The following NUP58 variants were observed in gnomAD, a reference collection of about 807,000 sequenced individuals.
The protein encoded by NUP58 is nucleoporin 58.
Under a neutral mutation model 70.1 loss-of-function variants are expected in NUP58, and 17 were observed. The observed-to-expected ratio is 0.24, with a 90% CI of 0.17 to 0.36. The LOEUF is 0.36. NUP58 is among the 10% of genes least tolerant of loss of function. NUP58 has a pLI of 1.00. For synonymous variants in NUP58, 275 were observed against 257.6 expected (o/e 1.07, Z -0.65); for missense variants, 644 against 701.5 (o/e 0.92, Z 0.93).
intron 13 of NUP58, chr13:25,334,936 CTA>C (rs2031729202): frequency 1.0e-6 from 1 of 984,906 alleles, no homozygotes; most frequent in Non-Finnish European, 1.2e-6. Context: ...CATTGGATGA[CTA>C]TTCAAATTTC....
At chr13:25,338,459 A>T (rs1268613475) in intron 14 of NUP58, among the ~76,000 whole-genome samples, 177 bp from the exon 15 acceptor site, 1 of 152,130 alleles carries the variant, frequency 6.6e-6, no homozygotes, top group Non-Finnish European at 1.5e-5. Context: ...TTTATTTCAG[A>T]ATTAGTCTAG....
At chr13:25,336,471 T>G (rs2031786817) in intron 13 of NUP58, 1 of 375,002 alleles carries the variant, frequency 2.7e-6, no homozygotes, top group Admixed American at 4.5e-5. Flanking sequence ...AGTGTCAGTC[T>G]CTCTTGATCA....
chr13:25,301,779 C>T lies in NUP58; in HGVS notation c.6C>T (p.Ser2=), dbSNP rs760326653. 9.9e-5 allele frequency: 160 copies of T among 1,611,674 alleles called. No individual in the cohort carries two copies. The highest frequency in any genetic ancestry group is 1.2e-4 in the Non-Finnish European group (143 of 1,178,616). ...GCGTCGAGCCCTGGCCAGACATGTC[C>T]ACAGGGTTCTCCTTCGGGTCCGGGA... M[S]TGFSFGSGTL... is the part of the protein sequence containing the mutation. The change falls in exon 1 of 16, where the codon TCC becomes TCT. Residue 2 remains serine, a synonymous_variant. Coordinates refer to ENST00000381736, the MANE Select transcript of NUP58 (RefSeq NM_014089.4).
Position 25,301,754 on chromosome 13 carries a change from G to A in NUP58, c.-20G>A. 1 of 1,542,856 alleles carries A rather than the reference G, an allele frequency of 6.5e-7. No homozygotes were observed. The highest frequency in any genetic ancestry group is 8.9e-7 in the Non-Finnish European group (1 of 1,126,780). Reference sequence around the variant, plus strand: ...CCAGACCCATTTCGCCTTGCTGACGGCGTCGAGCCCTGGCCAGACATGTCC... The same window carrying A: ...CCAGACCCATTTCGCCTTGCTGACGACGTCGAGCCCTGGCCAGACATGTCC... On this transcript the variant is annotated 5_prime_UTR_variant, in exon 1 of 16. Coordinates refer to ENST00000381736, the MANE Select transcript of NUP58 (RefSeq NM_014089.4).
intron 1 of NUP58, among the ~76,000 whole-genome samples, chr13:25,305,034 G>C (rs903269193): frequency 6.6e-6 from 1 of 151,286 alleles, no homozygotes; most frequent in Non-Finnish European, 1.5e-5. Flanking sequence ...CGCTCACTTA[G>C]GTTTCTGTGT....
At chr13:25,325,644 G>A (rs1197406521) in intron 10 of NUP58, among the ~76,000 whole-genome samples, 2 of 152,192 alleles carry the variant, frequency 1.3e-5, no homozygotes, top group East Asian at 3.8e-4. Context: ...CTCTGTAGCT[G>A]TTGTTATTCC....
At position 25,331,654 on chromosome 13, in the gene NUP58, A is replaced by G. The variant is rs188561327; in HGVS notation, c.1435+96A>G. On this transcript the variant is annotated intron_variant, in intron 13 of 15. Transcript: ENST00000381736. Reference sequence around the variant, plus strand: ...TTCCATTTGTGTGAGCACTGAAGAAATTTCTATGAGTAGCTGTTCCAATAC... The same window carrying G: ...TTCCATTTGTGTGAGCACTGAAGAAGTTTCTATGAGTAGCTGTTCCAATAC... The G allele has an allele frequency of 1.1e-5, 16 of 1,512,574 alleles. No homozygotes were observed. In the East Asian group the frequency reaches 2.5e-4, roughly 23 times the overall value. The allele number at this position is 1,512,574 out of a possible 1,614,324, so 93.7% of individuals were successfully genotyped here.
intron 13 of NUP58, chr13:25,334,098 T>C (rs1430004888): frequency 1.0e-6 from 1 of 985,240 alleles, no homozygotes; most frequent in East Asian, 1.1e-4. Flanking sequence ...TTACAGTTAT[T>C]TGTTCTGAAG....
intron 14 of NUP58, among the ~76,000 whole-genome samples, chr13:25,337,797 A>G (rs899178113): frequency 6.6e-6 from 1 of 152,212 alleles, no homozygotes; most frequent in African/African-American, 2.4e-5. Context: ...AGATAGCATA[A>G]TTCCTATAAT....
intron 13 of NUP58, chr13:25,335,812 T>C: frequency 1.0e-6 from 1 of 985,530 alleles, no homozygotes; most frequent in Non-Finnish European, 1.2e-6. Context: ...ATTTAAATTT[T>C]AGTGTGTATA....
At chr13:25,310,479 C>G (rs1018837078) in intron 3 of NUP58, among the ~76,000 whole-genome samples, 1 of 148,514 alleles carries the variant, frequency 6.7e-6, no homozygotes, top group Non-Finnish European at 1.5e-5. Context: ...CTTGGCCTTC[C>G]GAAGTGCTGG....
intron 3 of NUP58, chr13:25,349,525 T>C (rs1339179395): frequency 6.6e-6 from 1 of 152,624 alleles, no homozygotes; most frequent in Non-Finnish European, 1.5e-5. Flanking sequence ...ATATTAACTA[T>C]TGTCATAATA....
rs1219763784 is a variant in NUP58, at chr13:25,318,011, G to A, written c.686-1315G>A. Among the ~76,000 whole-genome samples the A allele has an allele frequency of 3.9e-5, 6 of 151,978 alleles. No homozygotes were observed. In the East Asian group the frequency reaches 7.7e-4, roughly 20 times the overall value. On this transcript the variant is annotated intron_variant, in intron 6 of 15. Coordinates refer to ENST00000381736, the MANE Select transcript of NUP58 (RefSeq NM_014089.4). ...CCTAAGTAGCTGGGACCACAAGTAC[G>A]CAGCACCACGCCTAGCTAATTTTTA...
intron 1 of NUP58, among the ~76,000 whole-genome samples, chr13:25,304,497 T>C (rs2030202417): frequency 8.7e-6 from 1 of 115,392 alleles, no homozygotes. Context: ...TATATATATA[T>C]ATATATATAT....
At chr13:25,303,043 C>T (rs1453282981) in intron 1 of NUP58, 4 of 456,436 alleles carry the variant, frequency 8.8e-6, no homozygotes, top group South Asian at 6.2e-5. Context: ...TCCTTACATT[C>T]TTATGAAAAT....
At chr13:25,314,403 T>C (rs958332302) in intron 5 of NUP58, among the ~76,000 whole-genome samples, 1 of 152,066 alleles carries the variant, frequency 6.6e-6, no homozygotes, top group African/African-American at 2.4e-5. Flanking sequence ...TATAAAAGTA[T>C]AGATTTATTA....
At chr13:25,347,717 A>G (rs1197591892) in intron 3 of NUP58, among the ~76,000 whole-genome samples, 1 of 152,242 alleles carries the variant, frequency 6.6e-6, no homozygotes, top group African/African-American at 2.4e-5. Flanking sequence ...TACAGCTAAC[A>G]GAAGGCCATA....
At position 25,315,410 on chromosome 13, in the gene NUP58, A is replaced by G. The variant is rs183179793; in HGVS notation, c.628A>G (p.Thr210Ala). 9.9e-6 allele frequency: 16 copies of G among 1,614,010 alleles called. No individual in the cohort carries two copies. The highest frequency in any genetic ancestry group is 8.3e-5 in the Admixed American group (5 of 60,018). ...TTTGGGAACTACAGCAGCTACTTCAACTGCAGGCAATGAAGGCCTTGGTGG... is the reference window on the plus strand; with the variant it reads ...TTTGGGAACTACAGCAGCTACTTCAGCTGCAGGCAATGAAGGCCTTGGTGG... Reference protein sequence around the residue: ...LTLGTTAATSTAGNEGLGGID... With the variant: ...LTLGTTAATSAAGNEGLGGID... Residue 210 changes from threonine (T) to alanine (A), a missense_variant, in exon 6 of 16, where the codon ACT (threonine) becomes GCT (alanine). Thr to Ala is a moderately conservative substitution (Grantham distance 58, BLOSUM62 0). Coordinates refer to ENST00000381736, the MANE Select transcript of NUP58 (RefSeq NM_014089.4).
chr13:25,327,555 C>T (rs367936851), intron 12 of NUP58, 43 bp downstream of exon 12: 2 of 1,269,870 alleles, frequency 1.6e-6, no homozygotes, highest in African/African-American at 3.0e-5. Flanking sequence ...TATGTAGACC[C>T]AAGTATTTGT....
Sources: allele counts gnomAD v4.1 joint callset (sites outside exome capture counted in the v4.1 genomes callset), GRCh38; gene constraint gnomAD v4.1.1; transcripts MANE v1.5; gene names NCBI Gene and HGNC (gene_info 2026-07-23, HGNC 2026-07-21).